MEOX2: variants seen among roughly 807,000 people sequenced by gnomAD.
The protein encoded by MEOX2 is mesenchyme homeobox 2.
In MEOX2, 11 loss-of-function variants were observed where a neutral mutation model predicts 27.0. That is an observed-to-expected ratio of 0.41 (90% CI 0.26 to 0.68). The LOEUF (loss-of-function observed/expected upper bound fraction) is 0.68. Ranked by LOEUF, MEOX2 falls within the 30% of genes least tolerant of loss-of-function variation. MEOX2 has a pLI of 0.33. For missense variants in MEOX2, 436 were observed against 385.4 expected, an observed-to-expected ratio of 1.13 and a Z score of -1.10; for synonymous variants, 189 against 155.4, an observed-to-expected ratio of 1.22 and a Z score of -1.61.
chr7:15,644,552 A>T (rs1781614213), intron 1 of MEOX2, among the ~76,000 whole-genome samples: 1 of 152,148 alleles, frequency 6.6e-6, no homozygotes, highest in Non-Finnish European at 1.5e-5. Flanking sequence ...CCTTGGACAG[A>T]TCTGCAGCAC....
intron 1 of MEOX2, among the ~76,000 whole-genome samples, chr7:15,674,100 T>G (rs889121650): frequency 1.3e-5 from 2 of 152,170 alleles, no homozygotes. Context: ...CCAGTACAAG[T>G]AATATCTAAT....
chr7:15,640,912 GC>G (rs1217282469), intron 1 of MEOX2, among the ~76,000 whole-genome samples: 1 of 152,022 alleles, frequency 6.6e-6, no homozygotes, highest in Non-Finnish European at 1.5e-5. Flanking sequence ...TTGATATGTT[GC>G]CAGATTTGGC....
At chr7:15,685,054 C>T (rs1782355587) in intron 1 of MEOX2, among the ~76,000 whole-genome samples, 1 of 151,156 alleles carries the variant, frequency 6.6e-6, no homozygotes, top group African/African-American at 2.5e-5. Flanking sequence ...CCTTTAGACA[C>T]GTATCTAACT....
intron 1 of MEOX2, among the ~76,000 whole-genome samples, chr7:15,667,277 G>T (rs1459424109): frequency 2.6e-5 from 1 of 38,930 alleles, no homozygotes; most frequent in Non-Finnish European, 4.7e-5. Flanking sequence ...GCAACAGAGT[G>T]AGACTCTGTC....
In MEOX2 at chr7:15,686,098, C is replaced by A. The variant is rs1264975769; in HGVS notation, c.305G>T (p.Ser102Ile). The change falls in exon 1 of 3, where the codon AGT becomes ATT. Residue 102 changes from serine to isoleucine, a missense_variant. Transcript: ENST00000262041. ...WHLPQMSSPPSAARHSLCLQP... is the reference protein window; with the variant it reads ...WHLPQMSSPPIAARHSLCLQP... The stretch of plus-strand genomic sequence containing the variant: ...GAGGCAGAGGCTGTGCCGAGCCGCA[C>A]TCGGTGGGGAAGACATCTGCGGGAG... The A allele has an allele frequency of 6.3e-7, 1 of 1,586,432 alleles. No homozygotes were observed. The highest frequency in any genetic ancestry group is 1.8e-5 in the Admixed American group (1 of 55,366).
intron 1 of MEOX2, among the ~76,000 whole-genome samples, chr7:15,684,257 G>A (rs1481829471): frequency 6.6e-6 from 1 of 152,082 alleles, no homozygotes; most frequent in Non-Finnish European, 1.5e-5. Flanking sequence ...CCCGAACTGG[G>A]ATCTGCTTCC....
intron 2 of MEOX2, among the ~76,000 whole-genome samples, chr7:15,618,335 A>G (rs1315397831): frequency 2.0e-5 from 3 of 152,016 alleles, no homozygotes; most frequent in Non-Finnish European, 2.9e-5. Context: ...GAAAATATCA[A>G]AACTAAATTA....
chr7:15,674,585 C>T (rs1274001336), intron 1 of MEOX2, among the ~76,000 whole-genome samples: 3 of 140,652 alleles, frequency 2.1e-5, no homozygotes, highest in Non-Finnish European at 4.8e-5. Flanking sequence ...TGTGTGTGTG[C>T]ATGTTTAGAA....
chr7:15,684,704 G>T lies in MEOX2; in HGVS notation c.517+1182C>A, dbSNP rs117476469. ...AACCAACATATGGGATTACCTTCTA[G>T]GACTATTATTAACCCAATTCCACAG... is the stretch of plus-strand genomic sequence containing the variant. On this transcript the variant is annotated intron_variant, in intron 1 of 2. Coordinates refer to ENST00000262041, the MANE Select transcript of MEOX2 (RefSeq NM_005924.5). Among the ~76,000 whole-genome samples, 139 of 152,192 alleles carry T rather than the reference G, an allele frequency of 9.1e-4. 2 individuals are homozygous for T. The East Asian group carries it at 0.025, about 28-fold the overall frequency.
rs531921101 is a variant in MEOX2 at position 15,682,553 on chromosome 7, T to G, written c.517+3333A>C. 3.9e-5 allele frequency among the ~76,000 whole-genome samples: 6 copies of G among 152,068 alleles called. No homozygotes were observed. The East Asian group carries it at 1.2e-3, about 29-fold the overall frequency. ...CAAATCGCTCTTTTCTTTTTTGATGTAATTTCTATTTTTTATAAAATATGT... is the reference window on the plus strand; with the variant it reads ...CAAATCGCTCTTTTCTTTTTTGATGGAATTTCTATTTTTTATAAAATATGT... On this transcript the variant is annotated intron_variant, in intron 1 of 2. Transcript: ENST00000262041.
chr7:15,679,273 T>C (rs753823307), intron 1 of MEOX2: 2 of 152,098 alleles, frequency 1.3e-5, no homozygotes, highest in Non-Finnish European at 2.9e-5. Flanking sequence ...GTTTTAAGTA[T>C]AGCTTCCATG....
At position 15,611,433 on chromosome 7, in the gene MEOX2, T is replaced by C. The variant is rs1781028366; in HGVS notation, c.*954A>G. The C allele has an allele frequency of 6.6e-6, 1 of 152,660 alleles. No homozygotes were observed. Among genetic ancestry groups the C allele is most frequent in the South Asian group, 2.1e-4 (1 of 4,832 alleles). The allele number at this position is 152,660 out of a possible 1,614,324, so 9.5% of individuals were successfully genotyped here. ...AAGAAATGTTTTCTTGTTAATTAAATCATATTCATACAGCTAATATTTTAC... is the reference window on the plus strand; with the variant it reads ...AAGAAATGTTTTCTTGTTAATTAAACCATATTCATACAGCTAATATTTTAC... On this transcript the variant is annotated 3_prime_UTR_variant, in exon 3 of 3. Coordinates refer to ENST00000262041, the MANE Select transcript of MEOX2 (RefSeq NM_005924.5).
At chr7:15,639,097 C>T (rs181356694) in intron 1 of MEOX2, among the ~76,000 whole-genome samples, 65 of 152,190 alleles carry the variant, frequency 4.3e-4, no homozygotes, top group African/African-American at 1.3e-3. Flanking sequence ...TTCCCACCAA[C>T]GGTGTAAAAG....
intron 1 of MEOX2, among the ~76,000 whole-genome samples, chr7:15,653,693 A>C (rs976549087): frequency 2.0e-5 from 3 of 151,976 alleles, no homozygotes; most frequent in African/African-American, 7.2e-5. Context: ...TTTTTTACCT[A>C]TGGTTGTCCA....
At chr7:15,678,789 T>C (rs1326178626) in intron 1 of MEOX2, 4 of 152,228 alleles carry the variant, frequency 2.6e-5, no homozygotes, top group Admixed American at 2.0e-4. Flanking sequence ...AAAATTCTAC[T>C]GGCATCTGCC....
chr7:15,620,567 C>A (rs1215646885), intron 2 of MEOX2, among the ~76,000 whole-genome samples: 3 of 151,946 alleles, frequency 2.0e-5, no homozygotes, highest in Middle Eastern at 3.4e-3. Flanking sequence ...ACAACAACAA[C>A]AACAACAAAA....
chr7:15,614,419 G>GA (rs111428477), intron 2 of MEOX2, among the ~76,000 whole-genome samples: 101,055 of 150,258 alleles, frequency 0.67, 34,131 homozygotes, highest in East Asian at 0.81. Flanking sequence ...GTCTCAAAAA[G>GA]AAAAAAAAAG....
Position 15,686,160 on chromosome 7 carries a change from CTGATGGTGG to C in MEOX2, c.234_242del (p.His78_His80del), listed in dbSNP as rs1562620046. 5.1e-6 allele frequency: 8 copies of C among 1,563,690 alleles called. No individual in the cohort carries two copies. Among genetic ancestry groups the C allele is most frequent in the East Asian group, 2.3e-5 (1 of 42,556 alleles). On this transcript the variant is annotated inframe_deletion, in exon 1 of 3. Coordinates refer to ENST00000262041, the MANE Select transcript of MEOX2 (RefSeq NM_005924.5). ...TTTGCAGAGCCTGGTGCTGCTGCTG[CTGATGGTGG>C]TGATGGTGGTGGTGGTGGTGGTGGT... is the stretch of plus-strand genomic sequence containing the variant.
At chr7:15,642,361 G>A (rs1048747871) in intron 1 of MEOX2, among the ~76,000 whole-genome samples, 1 of 152,008 alleles carries the variant, frequency 6.6e-6, no homozygotes, top group Non-Finnish European at 1.5e-5. Context: ...CAAAAGTACA[G>A]TCTTCAAGCT....
Sources: gnomAD v4.1 joint callset for allele counts (sites outside exome capture counted in the v4.1 genomes callset) on GRCh38, gnomAD v4.1.1 for gene constraint, MANE v1.5 for transcripts, NCBI Gene and HGNC (gene_info 2026-07-23, HGNC 2026-07-21) for gene names.